POLD2: variants seen among roughly 807,000 people sequenced by gnomAD.
POLD2 encodes the protein DNA polymerase delta 2, accessory subunit.
Under a neutral mutation model 48.8 loss-of-function variants are expected in POLD2, and 31 were observed. The ratio of observed to expected loss-of-function variants is 0.64; its 90% CI spans 0.48 to 0.86. The LOEUF (loss-of-function observed/expected upper bound fraction) is 0.86. Ranked by LOEUF, POLD2 falls within the 40% of genes least tolerant of loss-of-function variation. The pLI is 0.00. For missense variants in POLD2, 455 were observed against 610.1 expected, an observed-to-expected ratio of 0.75 and a Z score of 2.68; for synonymous variants, 233 against 256.3, an observed-to-expected ratio of 0.91 and a Z score of 0.87.
chr7:44,118,575 C>T (rs750438572), intron 2 of POLD2, among the ~76,000 whole-genome samples: 81 of 152,192 alleles, frequency 5.3e-4, no homozygotes, highest in Admixed American at 9.2e-4. Context: ...TGCAGTGGCG[C>T]GATCTCAGCT....
Position 44,116,218 on chromosome 7 carries a change from G to C in POLD2, c.916C>G (p.Leu306Val). 6.2e-7 allele frequency: 1 copy of C among 1,613,764 alleles called. No individual in the cohort carries two copies. Among genetic ancestry groups the C allele is most frequent in the Non-Finnish European group, 8.5e-7 (1 of 1,179,856 alleles). ...CAGGGGTGGAGGGGCTGCTGGGGGA[G>C]CGTGTAATTGGTGGGATCAAACTCG... Reference protein sequence around the residue: ...PGEFDPTNYTLPQQPLHPCMF... With the variant: ...PGEFDPTNYTVPQQPLHPCMF... The change falls in exon 8 of 11, where the codon CTC (leucine) becomes GTC (valine). Residue 306 changes from leucine to valine, a missense_variant. Physicochemically the swap from Leu to Val is conservative, Grantham distance 32. Around this residue, in one of 3 missense-constraint regions of POLD2, gnomAD observed 349 missense variants for 437.4 expected, o/e 0.80. Coordinates refer to ENST00000610533, the MANE Select transcript of POLD2 (RefSeq NM_006230.4). This position sits in a 1 kb window ranked among gnomAD's most constrained non-coding sequence, Gnocchi z 6.1.
rs773972517 is a variant in POLD2, at chr7:44,121,886, G to A, written c.168C>T (p.Thr56=). ...GGAAGGGTCTCATTTGGATGAGGCG[G>A]GTGGCATAAATGTGGGCATACTGCC... is the stretch of plus-strand genomic sequence containing the variant. ...FSRQYAHIYA[T]RLIQMRPFLE... is the part of the protein sequence containing the mutation. The change falls in exon 2 of 11, where the codon ACC becomes ACT. Residue 56 remains threonine, a synonymous_variant. Coordinates refer to ENST00000610533, the MANE Select transcript of POLD2 (RefSeq NM_006230.4). The surrounding 1 kb of genome is among the most constrained non-coding windows in gnomAD (Gnocchi z 4.5). 1.2e-6 allele frequency: 2 copies of A among 1,613,642 alleles called. No individual in the cohort carries two copies. The highest frequency in any genetic ancestry group is 8.5e-7 in the Non-Finnish European group (1 of 1,180,040).
rs773219978 is a variant in POLD2, at chr7:44,117,932, C to A, written c.342+11G>T. The A allele has an allele frequency of 1.9e-6, 3 of 1,613,318 alleles. No individual in the cohort carries two copies. The Admixed American group carries it at 5.0e-5, about 27-fold the overall frequency. On this transcript the variant is annotated intron_variant, in intron 3 of 10. Coordinates refer to ENST00000610533, the MANE Select transcript of POLD2 (RefSeq NM_006230.4). ...TGCCTGGCGGCCCCACTGTGTAGCACCCTGCCTCACCTCCTCGCTGACCTC... is the reference window on the plus strand; with the variant it reads ...TGCCTGGCGGCCCCACTGTGTAGCAACCTGCCTCACCTCCTCGCTGACCTC...
In POLD2 at chr7:44,116,355, G is replaced by A. The variant is rs1002225027; in HGVS notation, c.861+75C>T. The A allele has an allele frequency of 1.3e-6, 2 of 1,595,400 alleles. No homozygotes were observed. Among genetic ancestry groups the A allele is most frequent in the Non-Finnish European group, 1.7e-6 (2 of 1,167,698 alleles). On this transcript the variant is annotated intron_variant, in intron 7 of 10. Coordinates refer to ENST00000610533, the MANE Select transcript of POLD2 (RefSeq NM_006230.4). This position sits in a 1 kb window ranked among gnomAD's most constrained non-coding sequence, Gnocchi z 6.1. The stretch of plus-strand genomic sequence containing the variant: ...CTCCGGCCACTCCCCCTGCCCTCCT[G>A]CCTGCCTTCTGTTGCCCAGTGGCAG...
At position 44,116,180 on chromosome 7, in the gene POLD2, C is replaced by A. The variant is rs747470940; in HGVS notation, c.954G>T (p.Leu318=). The A allele has an allele frequency of 3.1e-6, 5 of 1,613,900 alleles. No homozygotes were observed. In the South Asian group the frequency reaches 5.5e-5, roughly 18 times the overall value. The change falls in exon 8 of 11, where the codon CTG becomes CTT. Residue 318 remains leucine, a synonymous_variant. Coordinates refer to ENST00000610533, the MANE Select transcript of POLD2 (RefSeq NM_006230.4). The surrounding 1 kb of genome is among the most constrained non-coding windows in gnomAD (Gnocchi z 6.1). ...GCTGGAGCGTGGAGTAGGCAGTGGCCAGCGGGAACATGCAGGGGTGGAGGG... is the reference window on the plus strand; with the variant it reads ...GCTGGAGCGTGGAGTAGGCAGTGGCAAGCGGGAACATGCAGGGGTGGAGGG... ...QQPLHPCMFP[L]ATAYSTLQLV...
chr7:44,115,637 C>T, intron 9 of POLD2, 129 bp downstream of exon 9: 1 of 1,099,450 alleles, frequency 9.1e-7, no homozygotes, highest in South Asian at 1.6e-5. Flanking sequence ...TGCCAAGCCT[C>T]TGAACTTCTC....
At position 44,115,692 on chromosome 7, in the gene POLD2, G is replaced by A. The variant is rs112460156; in HGVS notation, c.1147+74C>T. ...TGCTGGCAAGTGCAAACCCACAGGG[G>A]GACCCTGTGCACTTCAGGGTCCTGC... On this transcript the variant is annotated intron_variant, in intron 9 of 10. Transcript: ENST00000610533. 176 of 1,523,038 alleles carry A rather than the reference G, an allele frequency of 1.2e-4. No homozygotes were observed. The East Asian group carries it at 2.2e-3, about 19-fold the overall frequency. 94.3% of individuals were successfully genotyped at this position (1,523,038 alleles called of 1,614,324 possible).
chr7:44,117,038 C>T (rs1017664120), intron 5 of POLD2, 23 bp from the exon 6 acceptor site: 1 of 1,611,502 alleles, frequency 6.2e-7, no homozygotes, highest in Non-Finnish European at 8.5e-7. Context: ...GTGGGGTCCT[C>T]CAGGGTGCCG....
At position 44,121,987 on chromosome 7, in the gene POLD2, T is replaced by C; in HGVS notation, c.67A>G (p.Thr23Ala). The C allele has an allele frequency of 6.2e-7, 1 of 1,613,772 alleles. No individual in the cohort carries two copies. Among genetic ancestry groups the C allele is most frequent in the African/African-American group, 1.3e-5 (1 of 75,022 alleles). Residue 23 changes from threonine (T) to alanine (A), a missense_variant, in exon 2 of 11, where the codon ACC becomes GCC. Physicochemically the swap from Thr to Ala is moderately conservative, Grantham distance 58 (BLOSUM62 0). Coordinates refer to ENST00000610533, the MANE Select transcript of POLD2 (RefSeq NM_006230.4). The surrounding 1 kb of genome is among the most constrained non-coding windows in gnomAD (Gnocchi z 4.5). ...LLSPPSANNA[T>A]FARVPVATYT... ...GTTGCCACTGGCACCCGGGCAAAGG[T>C]GGCATTGTTGGCTGATGGTGGGGAC... is the stretch of plus-strand genomic sequence containing the variant.
chr7:44,116,225 A>G lies in POLD2; in HGVS notation c.909T>C (p.Asn303=), dbSNP rs2128810486. 1 of 1,613,346 alleles carries G rather than the reference A, an allele frequency of 6.2e-7. No individual in the cohort carries two copies. Among genetic ancestry groups the G allele is most frequent in the Non-Finnish European group, 8.5e-7 (1 of 1,179,680 alleles). Reference sequence around the variant, plus strand: ...GGAGGGGCTGCTGGGGGAGCGTGTAATTGGTGGGATCAAACTCGCCTGGCA... The same window carrying G: ...GGAGGGGCTGCTGGGGGAGCGTGTAGTTGGTGGGATCAAACTCGCCTGGCA... ...DVMPGEFDPT[N]YTLPQQPLHP... Residue 303 remains asparagine (N), a synonymous_variant, in exon 8 of 11, where the codon AAT becomes AAC. Coordinates refer to ENST00000610533, the MANE Select transcript of POLD2 (RefSeq NM_006230.4). This position sits in a 1 kb window ranked among gnomAD's most constrained non-coding sequence, Gnocchi z 6.1.
chr7:44,118,150 G>A, intron 2 of POLD2, 86 bp from the exon 3 acceptor site: 5 of 1,473,070 alleles, frequency 3.4e-6, no homozygotes, highest in Admixed American at 4.2e-5. Context: ...CACTCCATGA[G>A]AGGCCAATCA....
rs2096242853 is a variant in POLD2 at position 44,117,937 on chromosome 7, C to T, written c.342+6G>A. 6.2e-7 allele frequency: 1 copy of T among 1,613,560 alleles called. No individual in the cohort carries two copies. Reference sequence around the variant, plus strand: ...GGCGGCCCCACTGTGTAGCACCCTGCCTCACCTCCTCGCTGACCTCCCGCA... The same window carrying T: ...GGCGGCCCCACTGTGTAGCACCCTGTCTCACCTCCTCGCTGACCTCCCGCA... On this transcript the variant is annotated splice_donor_region_variant and intron_variant, in intron 3 of 10. Transcript: ENST00000610533.
At position 44,114,893 on chromosome 7, in the gene POLD2, C is replaced by G. The variant is rs3087368; in HGVS notation, c.1302G>C (p.Thr434=). 1 of 1,613,630 alleles carries G rather than the reference C, an allele frequency of 6.2e-7. No homozygotes were observed. The highest frequency in any genetic ancestry group is 8.5e-7 in the Non-Finnish European group (1 of 1,179,714). The change falls in exon 11 of 11, where the codon ACG becomes ACC. Residue 434 remains threonine, a synonymous_variant. Coordinates refer to ENST00000610533, the MANE Select transcript of POLD2 (RefSeq NM_006230.4). ...GCAGGTTCACAAGGCAGGCGGTCTGCGTGGCACTGAAGTCAGGGACAGTCA... is the reference window on the plus strand; with the variant it reads ...GCAGGTTCACAAGGCAGGCGGTCTGGGTGGCACTGAAGTCAGGGACAGTCA... The part of the protein sequence containing the change: ...LLVTVPDFSA[T]QTACLVNLRS...
At chr7:44,119,013 C>A (rs1562696246) in intron 2 of POLD2, among the ~76,000 whole-genome samples, 1 of 149,922 alleles carries the variant, frequency 6.7e-6, no homozygotes, top group African/African-American at 2.5e-5. Flanking sequence ...TCCACCCTAC[C>A]CCCCACCCCC....
chr7:44,115,091 A>T, intron 10 of POLD2, 146 bp from the exon 11 acceptor site: 2 of 863,884 alleles, frequency 2.3e-6, no homozygotes, highest in Non-Finnish European at 1.8e-6. Context: ...AGAGGCACAC[A>T]GGCTGGGAGC....
Position 44,116,534 on chromosome 7 carries a change from A to G in POLD2, c.781-24T>C. ...GCCTGGAATAGAAGCCCAGAAGGCC[A>G]TCAGGCCCAGGCGAGTCCCAGGCTC... On this transcript the variant is annotated intron_variant, in intron 6 of 10. Transcript: ENST00000610533. This position sits in a 1 kb window ranked among gnomAD's most constrained non-coding sequence, Gnocchi z 6.1. The G allele has an allele frequency of 6.4e-7, 1 of 1,550,960 alleles. No homozygotes were observed. The highest frequency in any genetic ancestry group is 8.7e-7 in the Non-Finnish European group (1 of 1,143,586).
At chr7:44,117,879 G>C (rs1240226197) in intron 3 of POLD2, 64 bp downstream of exon 3, 8 of 1,599,880 alleles carry the variant, frequency 5.0e-6, no homozygotes, top group Non-Finnish European at 6.0e-6. Flanking sequence ...CCCACCTCCA[G>C]GGAGGTGTTC....
At chr7:44,117,589 T>TCACC in intron 4 of POLD2, 30 bp downstream of exon 4, 1 of 1,586,892 alleles carries the variant, frequency 6.3e-7, no homozygotes, top group Non-Finnish European at 8.6e-7. Context: ...TTCACCTGCA[T>TCACC]CACCCACATC....
intron 2 of POLD2, 133 bp from the exon 3 acceptor site, chr7:44,118,197 C>T: frequency 9.7e-7 from 1 of 1,029,028 alleles, no homozygotes; most frequent in Non-Finnish European, 1.4e-6. Flanking sequence ...ACATCAAGTA[C>T]AAGGACCCCC....
Sources: allele counts gnomAD v4.1 joint callset (sites outside exome capture counted in the v4.1 genomes callset), GRCh38; gene constraint gnomAD v4.1.1; regional missense constraint gnomAD v4.1.1; non-coding constraint Gnocchi (gnomAD v3.1); transcripts MANE v1.5; gene names NCBI Gene and HGNC (gene_info 2026-07-23, HGNC 2026-07-21).